SOX6: variants seen among roughly 807,000 people sequenced by gnomAD.
The protein encoded by SOX6 is transcription factor SOX-6.
Under a neutral mutation model 97.8 loss-of-function variants are expected in SOX6, and 11 were observed. The ratio of observed to expected loss-of-function variants is 0.11; its 90% CI spans 0.07 to 0.19. The LOEUF is 0.19. Among genes scored for constraint, SOX6 ranks in the 10% least tolerant of loss-of-function variants. SOX6 has a pLI of 1.00. For missense variants in SOX6, 810 were observed against 1,039.5 expected (o/e 0.78, Z 3.04); for synonymous variants, 360 against 371.4 (o/e 0.97, Z 0.35).
intron 3 of SOX6, among the ~76,000 whole-genome samples, chr11:16,257,151 T>C (rs1201587531): frequency 6.6e-6 from 1 of 151,898 alleles, no homozygotes; most frequent in South Asian, 2.1e-4. Context: ...GATCTATAGA[T>C]TCAATGCAAT....
chr11:16,291,319 T>C (rs1041151582), intron 3 of SOX6, among the ~76,000 whole-genome samples: 2 of 150,108 alleles, frequency 1.3e-5, no homozygotes, highest in African/African-American at 4.9e-5. Context: ...TGCTGTTTTC[T>C]TTTATGTGGC....
chr11:16,548,621 C>G (rs1223220070), intron 4 of SOX6, among the ~76,000 whole-genome samples: 2 of 152,000 alleles, frequency 1.3e-5, no homozygotes, highest in African/African-American at 4.8e-5. Context: ...TGAACTGTAT[C>G]AAAATTAAAA....
At chr11:16,513,313 G>C (rs937408401) in intron 4 of SOX6, among the ~76,000 whole-genome samples, 1 of 150,926 alleles carries the variant, frequency 6.6e-6, no homozygotes, top group Non-Finnish European at 1.5e-5. Flanking sequence ...ACACTCAAAA[G>C]AGAGGGACAC....
chr11:16,644,862 T>C (rs140854634), intron 3 of SOX6, among the ~76,000 whole-genome samples: 104 of 152,292 alleles, frequency 6.8e-4, no homozygotes, highest in African/African-American at 2.4e-3. Context: ...TGCTCACTTT[T>C]CATTGGCAAA....
intron 3 of SOX6, among the ~76,000 whole-genome samples, chr11:16,709,695 T>C (rs186760620): frequency 6.6e-5 from 10 of 152,330 alleles, no homozygotes; most frequent in African/African-American, 1.9e-4. Context: ...CTCTTTTCTT[T>C]ATAAATTTCC....
chr11:16,497,772 G>T (rs560115130), intron 4 of SOX6, among the ~76,000 whole-genome samples: 1 of 152,266 alleles, frequency 6.6e-6, no homozygotes, highest in Non-Finnish European at 1.5e-5. Context: ...AGAGAAAAAA[G>T]AATAAAAACA....
At chr11:16,178,122 T>C (rs755263238) in intron 6 of SOX6, among the ~76,000 whole-genome samples, 5 of 151,962 alleles carry the variant, frequency 3.3e-5, no homozygotes, top group Non-Finnish European at 5.9e-5. Context: ...GCTGATTCCA[T>C]TGAGTAGCTC....
At chr11:16,688,174 A>G (rs187999568) in intron 3 of SOX6, among the ~76,000 whole-genome samples, 15 of 151,962 alleles carry the variant, frequency 9.9e-5, no homozygotes, top group African/African-American at 3.6e-4. Flanking sequence ...AGGTCTTACT[A>G]TGTTGCCTAG....
chr11:16,465,612 A>T (rs549163652), intron 1 of SOX6: 84 of 152,334 alleles, frequency 5.5e-4, no homozygotes, highest in African/African-American at 2.0e-3. Context: ...CATTTATAGG[A>T]GTGGAGACTT....
intron 1 of SOX6, chr11:16,402,563 A>T: frequency 8.0e-7 from 1 of 1,250,844 alleles, no homozygotes; most frequent in Non-Finnish European, 1.2e-6. Context: ...GCACACTGGA[A>T]TCTCAGAGAT....
At chr11:16,022,331 T>TTTCC (rs71044083) in intron 12 of SOX6, among the ~76,000 whole-genome samples, 41,017 of 113,616 alleles carry the variant, frequency 0.36, 8,055 homozygotes, top group South Asian at 0.39. Context: ...TCCTTCCTTC[T>TTTCC]TTCCTTCCTT....
chr11:16,034,966 C>G (rs1431922663), intron 12 of SOX6, among the ~76,000 whole-genome samples: 1 of 152,154 alleles, frequency 6.6e-6, no homozygotes, highest in Non-Finnish European at 1.5e-5. Context: ...TAGATACAAA[C>G]AGACCTATGG....
At chr11:16,092,247 G>A (rs1169361956) in intron 9 of SOX6, among the ~76,000 whole-genome samples, 2 of 151,888 alleles carry the variant, frequency 1.3e-5, no homozygotes, top group African/African-American at 4.8e-5. Flanking sequence ...GGCAACAAAA[G>A]TGTTTTGGGG....
intron 4 of SOX6, among the ~76,000 whole-genome samples, chr11:16,555,172 G>A (rs377336917): frequency 2.0e-5 from 3 of 151,882 alleles, no homozygotes; most frequent in East Asian, 1.9e-4. Context: ...AGAATCTGTG[G>A]CCTCAATGAC....
At chr11:16,286,075 A>G (rs1473316310) in intron 3 of SOX6, among the ~76,000 whole-genome samples, 3 of 152,158 alleles carry the variant, frequency 2.0e-5, no homozygotes, top group African/African-American at 7.2e-5. Context: ...ATAAAGCAAA[A>G]TATCATGATT....
chr11:16,638,368 G>T lies in SOX6; in HGVS notation n.430-26108C>A, dbSNP rs185683991. On this transcript the variant is annotated intron_variant and non_coding_transcript_variant, in intron 3 of 5. Transcript: ENST00000524520. ...GTGAATAGTGCCGCAATAAACATATGTGTGCATGTGTCTTTATAGCAGCAT... is the reference window on the plus strand; with the variant it reads ...GTGAATAGTGCCGCAATAAACATATTTGTGCATGTGTCTTTATAGCAGCAT... Among the ~76,000 whole-genome samples, 1,195 of 152,190 alleles carry T rather than the reference G, an allele frequency of 7.9e-3. 14 individuals are homozygous for T. Among genetic ancestry groups the T allele is most frequent in the African/African-American group, 0.027 (1,139 of 41,522 alleles).
chr11:16,193,847 T>A (rs1396390821), intron 4 of SOX6, among the ~76,000 whole-genome samples: 1 of 152,136 alleles, frequency 6.6e-6, no homozygotes, highest in East Asian at 1.9e-4. Context: ...ACAATGCTAG[T>A]CATAAAAGAA....
chr11:16,017,191 C>A (rs1854910835), intron 12 of SOX6, among the ~76,000 whole-genome samples: 1 of 151,768 alleles, frequency 6.6e-6, no homozygotes, highest in Non-Finnish European at 1.5e-5. Flanking sequence ...TGTTTTTAAT[C>A]ATAACAAAAA....
intron 3 of SOX6, among the ~76,000 whole-genome samples, chr11:16,701,764 G>A (rs1339671708): frequency 1.4e-5 from 2 of 144,308 alleles, no homozygotes; most frequent in Non-Finnish European, 3.1e-5. Context: ...CGGGCGGGAC[G>A]GAGGGGTTCG....
Sources: allele counts gnomAD v4.1 joint callset (sites outside exome capture counted in the v4.1 genomes callset), GRCh38; gene constraint gnomAD v4.1.1; transcripts MANE v1.5; gene names NCBI Gene and HGNC (gene_info 2026-07-23, HGNC 2026-07-21).